The following IGSF10 variants were observed in gnomAD, a reference collection of about 807,000 sequenced individuals.
IGSF10 encodes calvaria mechanical force protein 608.
Under a neutral mutation model 128.2 loss-of-function variants are expected in IGSF10, and 126 were observed. The ratio of observed to expected loss-of-function variants is 0.98; its 90% CI spans 0.85 to 1.14. The LOEUF is 1.14. IGSF10 is among the 50% of genes most tolerant of loss of function. IGSF10 has a pLI of 0.00. For missense variants in IGSF10, 3,295 were observed against 3,149.8 expected (o/e 1.05, Z -1.10); for synonymous variants, 1,185 against 1,146.2 (o/e 1.03, Z -0.68).
chr3:151,610,539 G>A, the IGSF10 span, among the ~76,000 whole-genome samples: 2 of 152,154 alleles, frequency 1.3e-5, no homozygotes, highest in African/African-American at 2.4e-5. Context: ...AATAACAATT[G>A]TTTTATTAAA....
chr3:151,555,737 C>A, the IGSF10 span, among the ~76,000 whole-genome samples: 1 of 152,132 alleles, frequency 6.6e-6, no homozygotes, highest in Non-Finnish European at 1.5e-5. Context: ...TCACAAAGCC[C>A]CTGCCTCTGT....
upstream of IGSF10, among the ~76,000 whole-genome samples, chr3:151,464,405 T>G (rs143650992): frequency 6.6e-6 from 1 of 152,292 alleles, no homozygotes; most frequent in East Asian, 1.9e-4. Flanking sequence ...CATCTCTAGG[T>G]CTTTGACATT....
chr3:151,439,089 A>G (rs755003551), intron 7 of IGSF10, among the ~76,000 whole-genome samples: 1 of 152,202 alleles, frequency 6.6e-6, no homozygotes, highest in Non-Finnish European at 1.5e-5. Flanking sequence ...TCTCCGTTAC[A>G]TAGTAATTTT....
the IGSF10 span, among the ~76,000 whole-genome samples, chr3:151,504,618 TATAA>T: frequency 1.3e-5 from 2 of 152,186 alleles, no homozygotes; most frequent in African/African-American, 4.8e-5. Flanking sequence ...AGCATCTATA[TATAA>T]ATAATGTTAA....
chr3:151,499,387 G>A, the IGSF10 span, among the ~76,000 whole-genome samples: 395 of 152,212 alleles, frequency 2.6e-3, 1 homozygote, highest in African/African-American at 8.8e-3. Context: ...TAAAAAACAC[G>A]TGGCATTACA....
the IGSF10 span, among the ~76,000 whole-genome samples, chr3:151,576,390 AATC>A: frequency 4.6e-5 from 7 of 152,080 alleles, no homozygotes; most frequent in African/African-American, 1.7e-4. Flanking sequence ...ATCTTCTCTG[AATC>A]ATCATCTTTC....
At chr3:151,534,886 C>G in the IGSF10 span, among the ~76,000 whole-genome samples, 1 of 151,826 alleles carries the variant, frequency 6.6e-6, no homozygotes, top group Non-Finnish European at 1.5e-5. Flanking sequence ...ATCACCTTCA[C>G]TGGATGCATG....
chr3:151,581,980 C>T, the IGSF10 span, among the ~76,000 whole-genome samples: 8 of 152,134 alleles, frequency 5.3e-5, no homozygotes, highest in East Asian at 1.6e-3. Context: ...GCATGAGAAT[C>T]GCTTGAACCC....
intron 7 of IGSF10, among the ~76,000 whole-genome samples, chr3:151,442,679 G>A (rs1304817908): frequency 4.0e-5 from 6 of 151,720 alleles, no homozygotes; most frequent in African/African-American, 9.7e-5. Context: ...GTGAGCCACC[G>A]TGCCTGTCCT....
chr3:151,445,462 C>T lies in IGSF10; in HGVS notation c.4519G>A (p.Glu1507Lys), dbSNP rs138450222. The T allele has an allele frequency of 3.7e-5, 59 of 1,614,016 alleles. No individual in the cohort carries two copies. The highest frequency in any genetic ancestry group is 4.6e-5 in the Non-Finnish European group (54 of 1,180,046). The change falls in exon 6 of 8, where the codon GAA becomes AAA. Residue 1507 changes from glutamate (E) to lysine (K), a missense_variant. Glu to Lys is a moderately conservative substitution (Grantham distance 56, BLOSUM62 1). Transcript: ENST00000282466. ...GGTTTAGCATTGTGCCTTGAGGATT[C>T]GTGCAGCTTGACCACTGTATTTGTC... ...LMTNTVVKLH[E>K]SSRHNAKPQQ... is the part of the protein sequence containing the mutation.
the IGSF10 span, among the ~76,000 whole-genome samples, chr3:151,559,875 A>G: frequency 2.0e-5 from 3 of 152,158 alleles, no homozygotes; most frequent in Non-Finnish European, 2.9e-5. Flanking sequence ...TTCCAACGTG[A>G]TGAAGACAGC....
chr3:151,493,658 G>C, the IGSF10 span, among the ~76,000 whole-genome samples: 1 of 152,056 alleles, frequency 6.6e-6, no homozygotes, highest in Non-Finnish European at 1.5e-5. Context: ...TAGGTGTATA[G>C]TAGGATATAC....
chr3:151,456,984 A>G (rs549434122), intron 4 of IGSF10, 42 bp downstream of exon 4: 1 of 1,611,456 alleles, frequency 6.2e-7, no homozygotes, highest in African/African-American at 1.3e-5. Context: ...CACAGGTCCC[A>G]CCTTACCTCT....
chr3:151,571,524 C>G, the IGSF10 span, among the ~76,000 whole-genome samples: 1 of 152,162 alleles, frequency 6.6e-6, no homozygotes, highest in South Asian at 2.1e-4. Context: ...CTCTCTTTGT[C>G]TGTTATTGGT....
the IGSF10 span, among the ~76,000 whole-genome samples, chr3:151,591,371 T>C: frequency 6.9e-6 from 1 of 144,700 alleles, no homozygotes; most frequent in Non-Finnish European, 1.5e-5. Flanking sequence ...TTGATGATTA[T>C]AATTATTTTA....
chr3:151,560,707 C>CG, the IGSF10 span, among the ~76,000 whole-genome samples: 7 of 151,624 alleles, frequency 4.6e-5, no homozygotes, highest in South Asian at 2.1e-4. Context: ...CCATAGCCCC[C>CG]CCCTCCGTCC....
chr3:151,575,181 G>C, the IGSF10 span, among the ~76,000 whole-genome samples: 1 of 152,202 alleles, frequency 6.6e-6, no homozygotes, highest in Non-Finnish European at 1.5e-5. Flanking sequence ...CTCCCAGTTA[G>C]GCTACACGGG....
chr3:151,538,311 A>T, the IGSF10 span, among the ~76,000 whole-genome samples: 1,292 of 152,268 alleles, frequency 8.5e-3, 10 homozygotes, highest in South Asian at 0.034. Context: ...ATATTTCTTT[A>T]ATTATTAACT....
the IGSF10 span, among the ~76,000 whole-genome samples, chr3:151,492,538 CG>C: frequency 3.3e-5 from 5 of 151,998 alleles, no homozygotes; most frequent in Admixed American, 2.0e-4. Context: ...AGTTTGAGAC[CG>C]GCCTGACACC....
Sources: allele counts gnomAD v4.1 joint callset (sites outside exome capture counted in the v4.1 genomes callset), GRCh38; gene constraint gnomAD v4.1.1; transcripts MANE v1.5; gene names NCBI Gene and HGNC (gene_info 2026-07-23, HGNC 2026-07-21).